RAB3GAP2: variants seen among roughly 807,000 people sequenced by gnomAD.
The protein encoded by RAB3GAP2 is RAB3 GTPase activating non-catalytic protein subunit 2, also known as rab3 GTPase-activating protein non-catalytic subunit.
Under a neutral mutation model 185.3 loss-of-function variants are expected in RAB3GAP2, and 87 were observed. That is an observed-to-expected ratio of 0.47 (90% CI 0.39 to 0.56). The LOEUF is 0.56. RAB3GAP2 is among the 20% of genes least tolerant of loss of function. The pLI, the probability that RAB3GAP2 is intolerant of heterozygous loss-of-function variation, is 0.00. For synonymous variants in RAB3GAP2, 554 were observed against 576.1 expected (o/e 0.96, Z 0.55); for missense variants, 1,492 against 1,638.2 (o/e 0.91, Z 1.54).
chr1:220,157,537 A>G, intron 30 of RAB3GAP2, 49 bp from the exon 31 acceptor site: 1 of 1,566,926 alleles, frequency 6.4e-7, no homozygotes, highest in South Asian at 1.1e-5. Context: ...GAAAAATAAT[A>G]GCTTACAAAT....
chr1:220,227,403 T>G (rs1659420763), intron 2 of RAB3GAP2, among the ~76,000 whole-genome samples: 2 of 152,202 alleles, frequency 1.3e-5, no homozygotes, highest in Non-Finnish European at 2.9e-5. Flanking sequence ...ATCCCAGTAC[T>G]GTCACTCTGA....
intron 1 of RAB3GAP2, among the ~76,000 whole-genome samples, chr1:220,270,656 A>C (rs1660317899): frequency 6.6e-6 from 1 of 152,070 alleles, no homozygotes; most frequent in Non-Finnish European, 1.5e-5. Context: ...TCATCCTACT[A>C]AGGTTCTTAA....
At chr1:220,219,977 C>T (rs983097401) in intron 2 of RAB3GAP2, among the ~76,000 whole-genome samples, 4 of 152,180 alleles carry the variant, frequency 2.6e-5, no homozygotes, top group Admixed American at 6.5e-5. Context: ...TACTAATTAG[C>T]GTTTTGGAAA....
intron 1 of RAB3GAP2, among the ~76,000 whole-genome samples, chr1:220,270,504 T>G (rs951743752): frequency 1.3e-5 from 2 of 152,204 alleles, no homozygotes; most frequent in African/African-American, 4.8e-5. Context: ...TTCATTCTCT[T>G]ATTACATATA....
At chr1:220,231,257 C>T (rs1398180631) in intron 2 of RAB3GAP2, among the ~76,000 whole-genome samples, 2 of 152,186 alleles carry the variant, frequency 1.3e-5, no homozygotes, top group Non-Finnish European at 2.9e-5. Context: ...CCCATTCCTG[C>T]CTTGAGACTT....
chr1:220,194,740 A>G (rs1468828554), intron 12 of RAB3GAP2, among the ~76,000 whole-genome samples: 1 of 152,254 alleles, frequency 6.6e-6, no homozygotes, highest in Non-Finnish European at 1.5e-5. Flanking sequence ...TAAAGTTTAT[A>G]CAACTTAGTA....
At chr1:220,258,164 A>G (rs1331473940) in intron 1 of RAB3GAP2, among the ~76,000 whole-genome samples, 1 of 152,174 alleles carries the variant, frequency 6.6e-6, no homozygotes, top group East Asian at 1.9e-4. Context: ...AGAGGTACAA[A>G]GAAGAGCTGG....
intron 1 of RAB3GAP2, among the ~76,000 whole-genome samples, chr1:220,248,473 T>C (rs1336986369): frequency 1.3e-5 from 2 of 152,300 alleles, no homozygotes; most frequent in African/African-American, 4.8e-5. Flanking sequence ...TTTTTATTTG[T>C]TGATTATACT....
Position 220,151,286 on chromosome 1 carries a change from C to T in RAB3GAP2, c.4147G>A (p.Glu1383Lys), listed in dbSNP as rs1193599096. 1.2e-6 allele frequency: 2 copies of T among 1,613,902 alleles called. No individual in the cohort carries two copies. The highest frequency in any genetic ancestry group is 1.3e-5 in the African/African-American group (1 of 74,898). Reference sequence around the variant, plus strand: ...GGAAGAGATATGGCTTCCACAGCTTCAATGAGGTGTAAGGCTAGACCATAT... The same window carrying T: ...GGAAGAGATATGGCTTCCACAGCTTTAATGAGGTGTAAGGCTAGACCATAT... ...GQYGLALHLI[E>K]AVEAISLPSL The change falls in exon 35 of 35, where the codon GAA becomes AAA. Residue 1383 changes from glutamate to lysine, a missense_variant. Transcript: ENST00000358951.
intron 1 of RAB3GAP2, among the ~76,000 whole-genome samples, chr1:220,241,362 G>A (rs1659693945): frequency 1.3e-5 from 2 of 151,902 alleles, no homozygotes; most frequent in South Asian, 2.1e-4. Context: ...TTAAATGTTA[G>A]GAAAAGGAAA....
At chr1:220,159,294 TA>T in intron 29 of RAB3GAP2, 91 bp downstream of exon 29, 1 of 1,085,088 alleles carries the variant, frequency 9.2e-7, no homozygotes, top group Non-Finnish European at 1.4e-6. Context: ...ATCACAATGA[TA>T]AAAGGCAAAG....
intron 2 of RAB3GAP2, among the ~76,000 whole-genome samples, chr1:220,217,668 A>G (rs945192167): frequency 2.0e-5 from 3 of 152,196 alleles, no homozygotes; most frequent in African/African-American, 7.2e-5. Context: ...AGTAAATAAC[A>G]GCATTCCCTA....
At chr1:220,205,847 A>G in intron 8 of RAB3GAP2, 60 bp downstream of exon 8, 1 of 1,188,912 alleles carries the variant, frequency 8.4e-7, no homozygotes, top group Non-Finnish European at 1.2e-6. Flanking sequence ...TTCCATAAGC[A>G]GGTGAAATTA....
intron 1 of RAB3GAP2, among the ~76,000 whole-genome samples, chr1:220,236,467 C>A (rs180860208): frequency 2.0e-5 from 3 of 152,052 alleles, no homozygotes; most frequent in African/African-American, 7.2e-5. Flanking sequence ...TGAGACACTG[C>A]GCTCCGCCCC....
At chr1:220,226,532 T>C (rs1411667569) in intron 2 of RAB3GAP2, among the ~76,000 whole-genome samples, 3 of 152,066 alleles carry the variant, frequency 2.0e-5, no homozygotes, top group African/African-American at 7.2e-5. Context: ...AGCCAGCCAC[T>C]ATCTTGTCAT....
intron 1 of RAB3GAP2, among the ~76,000 whole-genome samples, chr1:220,240,415 G>A (rs1659669088): frequency 6.6e-6 from 1 of 151,938 alleles, no homozygotes; most frequent in South Asian, 2.1e-4. Flanking sequence ...CCCTTCTTAA[G>A]GGGTGAACTT....
rs1023443268 is a variant in RAB3GAP2, at chr1:220,174,731, G to C, written c.2311-1989C>G. ...AATAAATGCTAATGGCTACATAAAG[G>C]TTACTATGCTCCAAGCCATTAACAG... On this transcript the variant is annotated intron_variant, in intron 21 of 34. Transcript: ENST00000358951. 2.6e-5 allele frequency among the ~76,000 whole-genome samples: 4 copies of C among 152,138 alleles called. No individual in the cohort carries two copies. In the East Asian group the frequency reaches 7.7e-4, roughly 29 times the overall value.
intron 12 of RAB3GAP2, among the ~76,000 whole-genome samples, chr1:220,193,883 A>C (rs929475813): frequency 6.6e-6 from 1 of 152,186 alleles, no homozygotes; most frequent in African/African-American, 2.4e-5. Flanking sequence ...TGTGAGTAAA[A>C]TAAAAGTAAA....
chr1:220,253,905 G>A, intron 1 of RAB3GAP2: 2 of 1,613,712 alleles, frequency 1.2e-6, no homozygotes, highest in Non-Finnish European at 1.7e-6. Flanking sequence ...AAACGAAAAA[G>A]AACAAACAGA....
Sources: gnomAD v4.1 joint callset for allele counts (sites outside exome capture counted in the v4.1 genomes callset) on GRCh38, gnomAD v4.1.1 for gene constraint, MANE v1.5 for transcripts, NCBI Gene and HGNC (gene_info 2026-07-23, HGNC 2026-07-21) for gene names.